AGPAT4: variants seen among roughly 807,000 people sequenced by gnomAD.
AGPAT4 encodes 1-acyl-sn-glycerol-3-phosphate acyltransferase delta.
In AGPAT4, 15 loss-of-function variants were observed where a neutral mutation model predicts 48.0. That is an observed-to-expected ratio of 0.31 (90% CI 0.21 to 0.48). AGPAT4 has a LOEUF of 0.48. Among genes scored for constraint, AGPAT4 ranks in the 20% least tolerant of loss-of-function variants. The pLI, the probability that AGPAT4 is intolerant of heterozygous loss-of-function variation, is 0.99. For missense variants in AGPAT4, 314 were observed against 482.5 expected (o/e 0.65, Z 3.27); for synonymous variants, 178 against 198.7 (o/e 0.90, Z 0.88).
rs568173950 is a variant in AGPAT4, at chr6:161,220,388, A to G, written c.178+11648T>C. ...ATTGGGCCAGAGTGTAACAGTAACT[A>G]TGAAGAGAAAACATTACATCTGAAA... On this transcript the variant is annotated intron_variant, in intron 2 of 8. Transcript: ENST00000320285. This position sits in a 1 kb window ranked among gnomAD's most constrained non-coding sequence, Gnocchi z 6.0. 2.0e-5 allele frequency among the ~76,000 whole-genome samples: 3 copies of G among 152,374 alleles called. No homozygotes were observed. The highest frequency in any genetic ancestry group is 3.9e-4 in the East Asian group (2 of 5,192).
At position 161,139,360 on chromosome 6, in the gene AGPAT4, C is replaced by T; in HGVS notation, c.1042+62G>A. The T allele has an allele frequency of 6.3e-7, 1 of 1,581,188 alleles. No individual in the cohort carries two copies. Among genetic ancestry groups the T allele is most frequent in the Non-Finnish European group, 8.6e-7 (1 of 1,156,196 alleles). On this transcript the variant is annotated intron_variant, in intron 8 of 8. Coordinates refer to ENST00000320285, the MANE Select transcript of AGPAT4 (RefSeq NM_020133.3). This position sits in a 1 kb window ranked among gnomAD's most constrained non-coding sequence, Gnocchi z 9.1. ...TATACAGATGGCCTTCGTCCCAGCCCTGATGCCACCTCTCCCAGGGTGGTG... is the reference window on the plus strand; with the variant it reads ...TATACAGATGGCCTTCGTCCCAGCCTTGATGCCACCTCTCCCAGGGTGGTG...
At position 161,217,087 on chromosome 6, in the gene AGPAT4, T is replaced by C. The variant is rs1196685668; in HGVS notation, c.178+14949A>G. Among the ~76,000 whole-genome samples, 2 of 152,180 alleles carry C rather than the reference T, an allele frequency of 1.3e-5. No homozygotes were observed. The highest frequency in any genetic ancestry group is 2.4e-5 in the African/African-American group (1 of 41,440). Reference sequence around the variant, plus strand: ...AATTTCCGTTTAGGTGTTTTATCATTAGGGCCTGACTCCGCGTTTCAGCAA... The same window carrying C: ...AATTTCCGTTTAGGTGTTTTATCATCAGGGCCTGACTCCGCGTTTCAGCAA... On this transcript the variant is annotated intron_variant, in intron 2 of 8. Transcript: ENST00000320285. The surrounding 1 kb of genome is among the most constrained non-coding windows in gnomAD (Gnocchi z 4.9).
intron 5 of AGPAT4, among the ~76,000 whole-genome samples, chr6:161,152,531 G>A (rs1779621849): frequency 6.6e-6 from 1 of 152,196 alleles, no homozygotes; most frequent in South Asian, 2.1e-4. Context: ...GTCAGCCAGG[G>A]CTGGAGAAAC....
Position 161,161,112 on chromosome 6 carries a change from G to A in AGPAT4, c.348+5136C>T, listed in dbSNP as rs776644360. The A allele has an allele frequency of 3.7e-5, 17 of 456,622 alleles. No homozygotes were observed. The highest frequency in any genetic ancestry group is 2.5e-4 in the South Asian group (16 of 64,572). The allele number at this position is 456,622 out of a possible 1,614,324, so 28.3% of individuals were successfully genotyped here. On this transcript the variant is annotated intron_variant, in intron 3 of 8. Transcript: ENST00000320285. The surrounding 1 kb of genome is among the most constrained non-coding windows in gnomAD (Gnocchi z 4.6). ...TTTGCTGAGGGCTGCGCACAGAGGA[G>A]GAGGAAGCCCCAAGCTTTCAACAAC...
At position 161,197,302 on chromosome 6, in the gene AGPAT4, T is replaced by G. The variant is rs1781096601; in HGVS notation, c.179-30885A>C. On this transcript the variant is annotated intron_variant, in intron 2 of 8. Transcript: ENST00000320285. This position sits in a 1 kb window ranked among gnomAD's most constrained non-coding sequence, Gnocchi z 5.7. ...TGCACTGCTAGGGACATTAAAGAAC[T>G]AGCGTTCCATAAAACAGTTTGGGAA... is the stretch of plus-strand genomic sequence containing the variant. 6.6e-6 allele frequency among the ~76,000 whole-genome samples: 1 copy of G among 152,194 alleles called. No individual in the cohort carries two copies. The highest frequency in any genetic ancestry group is 2.4e-5 in the African/African-American group (1 of 41,456).
intron 2 of AGPAT4, among the ~76,000 whole-genome samples, chr6:161,176,764 T>A (rs1321490823): frequency 6.6e-6 from 1 of 152,242 alleles, no homozygotes; most frequent in Admixed American, 6.5e-5. Flanking sequence ...GGCATGTTTT[T>A]GTAGTGGCTG....
rs567805764 is a variant in AGPAT4, at chr6:161,250,868, T to C, written c.-89-18566A>G. ...ATTAAACTGCATTTCTGAATGGCCA[T>C]GAAGCTGCATGTTTTAAAGTATTTA... is the stretch of plus-strand genomic sequence containing the variant. On this transcript the variant is annotated intron_variant, in intron 1 of 8. Transcript: ENST00000320285. 9.8e-5 allele frequency among the ~76,000 whole-genome samples: 15 copies of C among 152,348 alleles called. 1 individual carries two copies. In the East Asian group the frequency reaches 2.7e-3, roughly 27 times the overall value.
In AGPAT4 at chr6:161,184,346, A is replaced by C. The variant is rs1466554583; in HGVS notation, c.179-17929T>G. 2.6e-5 allele frequency among the ~76,000 whole-genome samples: 4 copies of C among 152,066 alleles called. No individual in the cohort carries two copies. Among genetic ancestry groups the C allele is most frequent in the African/African-American group, 7.2e-5 (3 of 41,394 alleles). On this transcript the variant is annotated intron_variant, in intron 2 of 8. Transcript: ENST00000320285. This position sits in a 1 kb window ranked among gnomAD's most constrained non-coding sequence, Gnocchi z 4.8. ...AACGTGGTGTAAGAGACAGAGGAGA[A>C]TTCAGGAGTGAAGCTAAGGTTTTTG...
rs955164085 is a variant in AGPAT4, at chr6:161,154,635, C to T, written c.349-325G>A. Among the ~76,000 whole-genome samples the T allele has an allele frequency of 6.6e-6, 1 of 152,182 alleles. No individual in the cohort carries two copies. The highest frequency in any genetic ancestry group is 1.5e-5 in the Non-Finnish European group (1 of 68,034). On this transcript the variant is annotated intron_variant, in intron 3 of 8. Coordinates refer to ENST00000320285, the MANE Select transcript of AGPAT4 (RefSeq NM_020133.3). This position sits in a 1 kb window ranked among gnomAD's most constrained non-coding sequence, Gnocchi z 7.8. ...GACGATGCTCCCACCACCATCCAAA[C>T]GGTTTCTAGGTTATCACCGTCACAT...
In AGPAT4 at chr6:161,198,120, TACTA is replaced by T. The variant is rs535964198; in HGVS notation, c.179-31707_179-31704del. The stretch of plus-strand genomic sequence containing the variant: ...CATAATAAAGAACACATGTCTATTG[TACTA>T]ACTAATATGCTTATTGATGAGTTTT... On this transcript the variant is annotated intron_variant, in intron 2 of 8. Coordinates refer to ENST00000320285, the MANE Select transcript of AGPAT4 (RefSeq NM_020133.3). This position sits in a 1 kb window ranked among gnomAD's most constrained non-coding sequence, Gnocchi z 4.3. Among the ~76,000 whole-genome samples, 22 of 152,368 alleles carry T rather than the reference TACTA, an allele frequency of 1.4e-4. No individual in the cohort carries two copies. Among genetic ancestry groups the T allele is most frequent in the African/African-American group, 4.6e-4 (19 of 41,588 alleles).
rs1779334307 is a variant in AGPAT4 at position 161,143,965 on chromosome 6, A to T, written c.843+2559T>A. On this transcript the variant is annotated intron_variant, in intron 7 of 8. Coordinates refer to ENST00000320285, the MANE Select transcript of AGPAT4 (RefSeq NM_020133.3). This position sits in a 1 kb window ranked among gnomAD's most constrained non-coding sequence, Gnocchi z 4.7. ...AAATCCCAAGGTCAAAATCAACAGAACTGTCTTTTGACATACACCACACTT... is the reference window on the plus strand; with the variant it reads ...AAATCCCAAGGTCAAAATCAACAGATCTGTCTTTTGACATACACCACACTT... 1 of 326,628 alleles carries T rather than the reference A, an allele frequency of 3.1e-6. No homozygotes were observed. The highest frequency in any genetic ancestry group is 2.4e-5 in the South Asian group (1 of 41,222). The allele number at this position is 326,628 out of a possible 1,614,324, so 20.2% of individuals were successfully genotyped here.
chr6:161,261,887 G>T lies in AGPAT4; in HGVS notation c.-90+12051C>A, dbSNP rs556905018. ...GGCATTGACCTTCACACCTGGGTAG[G>T]GGCTCCTGGGCCAGAGACCCAGTTT... On this transcript the variant is annotated intron_variant, in intron 1 of 8. Transcript: ENST00000320285. This position sits in a 1 kb window ranked among gnomAD's most constrained non-coding sequence, Gnocchi z 5.3. 6.6e-6 allele frequency among the ~76,000 whole-genome samples: 1 copy of T among 152,298 alleles called. No individual in the cohort carries two copies. Among genetic ancestry groups the T allele is most frequent in the South Asian group, 2.1e-4 (1 of 4,824 alleles).
intron 5 of AGPAT4, among the ~76,000 whole-genome samples, chr6:161,150,406 G>C (rs1178176843): frequency 6.6e-6 from 1 of 152,188 alleles, no homozygotes; most frequent in African/African-American, 2.4e-5. Flanking sequence ...CCAGCACATG[G>C]TTTGTGTTCA....
chr6:161,152,521 G>C (rs1380500212), intron 5 of AGPAT4, among the ~76,000 whole-genome samples: 1 of 152,236 alleles, frequency 6.6e-6, no homozygotes, highest in East Asian at 1.9e-4. Flanking sequence ...CTGGTAGGGG[G>C]TCAGCCAGGG....
chr6:161,150,426 G>A (rs1304729421), intron 5 of AGPAT4, among the ~76,000 whole-genome samples: 1 of 152,198 alleles, frequency 6.6e-6, no homozygotes, highest in Non-Finnish European at 1.5e-5. Flanking sequence ...AATAAATGAT[G>A]AGCCAGACAC....
At chr6:161,176,335 A>G (rs931512781) in intron 2 of AGPAT4, among the ~76,000 whole-genome samples, 1 of 152,162 alleles carries the variant, frequency 6.6e-6, no homozygotes, top group Non-Finnish European at 1.5e-5. Flanking sequence ...TTGGGTGCAT[A>G]TATGTTTAGG....
chr6:161,149,705 C>T lies in AGPAT4; in HGVS notation c.665-416G>A, dbSNP rs961383441. On this transcript the variant is annotated intron_variant, in intron 5 of 8. Coordinates refer to ENST00000320285, the MANE Select transcript of AGPAT4 (RefSeq NM_020133.3). This position sits in a 1 kb window ranked among gnomAD's most constrained non-coding sequence, Gnocchi z 6.5. ...TACAGACACCCACCACCACGCCCAG[C>T]TAATTTTTGTATTTTTAGTAGAGTC... Among the ~76,000 whole-genome samples the T allele has an allele frequency of 6.6e-6, 1 of 152,124 alleles. No homozygotes were observed. Among genetic ancestry groups the T allele is most frequent in the African/African-American group, 2.4e-5 (1 of 41,440 alleles).
intron 1 of AGPAT4, among the ~76,000 whole-genome samples, chr6:161,260,720 C>G (rs1427374772): frequency 6.8e-6 from 1 of 147,166 alleles, no homozygotes; most frequent in Non-Finnish European, 1.5e-5. Flanking sequence ...AACTCCCTCT[C>G]TACACAAAAT....
In AGPAT4 at chr6:161,179,358, G is replaced by A. The variant is rs74853816; in HGVS notation, c.179-12941C>T. ...ATTATATAAAACATGATTGCAGTGC[G>A]GGGGGCTAGAGAAGGGAAATAAAAG... On this transcript the variant is annotated intron_variant, in intron 2 of 8. Coordinates refer to ENST00000320285, the MANE Select transcript of AGPAT4 (RefSeq NM_020133.3). 1.2e-3 allele frequency among the ~76,000 whole-genome samples: 178 copies of A among 152,256 alleles called. No homozygotes were observed. The East Asian group carries it at 0.015, about 13-fold the overall frequency.
Sources: gnomAD v4.1 joint callset for allele counts (sites outside exome capture counted in the v4.1 genomes callset) on GRCh38, gnomAD v4.1.1 for gene constraint, Gnocchi (gnomAD v3.1) non-coding constraint, MANE v1.5 for transcripts, NCBI Gene and HGNC (gene_info 2026-07-23, HGNC 2026-07-21) for gene names.